MAU2: variants seen among roughly 807,000 people sequenced by gnomAD.
The protein encoded by MAU2 is MAU2 chromatid cohesion factor homolog.
In MAU2, 9 loss-of-function variants were observed where a neutral mutation model predicts 89.1. The ratio of observed to expected loss-of-function variants is 0.10; its 90% CI spans 0.06 to 0.18. MAU2 has a LOEUF of 0.18. MAU2 is among the 10% of genes least tolerant of loss of function. The pLI is 1.00. For synonymous variants in MAU2, 357 were observed against 343.4 expected (o/e 1.04, Z -0.44); for missense variants, 425 against 803.5 (o/e 0.53, Z 5.69).
At chr19:19,347,578 C>T in intron 13 of MAU2, 1 of 549,414 alleles carries the variant, frequency 1.8e-6, no homozygotes, top group Non-Finnish European at 3.3e-6. Flanking sequence ...AAAACATTCC[C>T]ATAGCCACAG....
chr19:19,348,936 C>T lies in MAU2; in HGVS notation c.1356C>T (p.Val452=). The part of the protein sequence containing the change: ...ERINPDHSFP[V]SSHCLRAAAF... ...TCAACCCGGACCACAGCTTCCCTGT[C>T]AGGTGAGCCGCTCCAGGCACCACTC... Residue 452 remains valine, a splice_region_variant and synonymous_variant, in exon 14 of 19, where the codon GTC becomes GTT. Transcript: ENST00000262815. The T allele has an allele frequency of 4.3e-6, 7 of 1,613,438 alleles. No homozygotes were observed. Among genetic ancestry groups the T allele is most frequent in the Non-Finnish European group, 5.9e-6 (7 of 1,179,792 alleles).
At chr19:19,328,102 G>A (rs1179699233) in intron 1 of MAU2, among the ~76,000 whole-genome samples, 1 of 150,914 alleles carries the variant, frequency 6.6e-6, no homozygotes, top group Non-Finnish European at 1.5e-5. Context: ...CGAGGCATCA[G>A]TGAGCCGTGT....
In MAU2 at chr19:19,326,683, CAA is replaced by C. The variant is rs1555792822; in HGVS notation, c.276+5556_276+5557del. 1.3e-3 allele frequency among the ~76,000 whole-genome samples: 63 copies of C among 47,532 alleles called. 4 individuals are homozygous for C. In the South Asian group the frequency reaches 0.034, roughly 26 times the overall value. 31.2% of individuals were successfully genotyped at this position (47,532 alleles called of 152,430 possible). A position where few individuals can be genotyped will look rare whatever the true frequency, so the allele number is the denominator to read the frequency against. The stretch of plus-strand genomic sequence containing the variant: ...ACTGGGCGAAAGAGCGAGACTGTCT[CAA>C]AAAAAAATATATATATGTATATATA... On this transcript the variant is annotated intron_variant, in intron 1 of 18. Coordinates refer to ENST00000262815, the MANE Select transcript of MAU2 (RefSeq NM_015329.4).
intron 9 of MAU2, among the ~76,000 whole-genome samples, chr19:19,343,464 C>CCCT (rs1427462648): frequency 1.2e-4 from 19 of 152,290 alleles, no homozygotes; most frequent in South Asian, 6.2e-4. Flanking sequence ...AGGTGGGGCC[C>CCCT]AGCCCAGGTC....
intron 1 of MAU2, among the ~76,000 whole-genome samples, chr19:19,331,579 A>G (rs1370274442): frequency 6.6e-6 from 1 of 151,814 alleles, no homozygotes; most frequent in Non-Finnish European, 1.5e-5. Context: ...AGATGGATAT[A>G]TTTTTCTGAT....
chr19:19,350,309 AAAG>A (rs2061732567), intron 16 of MAU2, among the ~76,000 whole-genome samples: 1 of 148,266 alleles, frequency 6.7e-6, no homozygotes, highest in Non-Finnish European at 1.5e-5. Context: ...AAAAAAAAAA[AAAG>A]ATGTTTTTGG....
intron 2 of MAU2, 125 bp from the exon 3 acceptor site, chr19:19,335,997 G>A (rs1383970182): frequency 3.9e-6 from 3 of 762,438 alleles, no homozygotes; most frequent in Non-Finnish European, 6.8e-6. Flanking sequence ...GGAAAACTTG[G>A]AATTTCAGGG....
At position 19,341,148 on chromosome 19, in the gene MAU2, G is replaced by A. The variant is rs2061642098; in HGVS notation, c.580-104G>A. ...TCAGGCTGGCCTTGCCCTCTGGATTGGTGGCAGCAGTCCCAGGGCAGGTGG... is the reference window on the plus strand; with the variant it reads ...TCAGGCTGGCCTTGCCCTCTGGATTAGTGGCAGCAGTCCCAGGGCAGGTGG... On this transcript the variant is annotated intron_variant, in intron 6 of 18. Coordinates refer to ENST00000262815, the MANE Select transcript of MAU2 (RefSeq NM_015329.4). The A allele has an allele frequency of 9.5e-6, 13 of 1,362,142 alleles. No homozygotes were observed. The South Asian group carries it at 1.5e-4, about 16-fold the overall frequency. 84.4% of individuals were successfully genotyped at this position (1,362,142 alleles called of 1,614,324 possible). A position where few individuals can be genotyped will look rare whatever the true frequency, so the allele number is the denominator to read the frequency against.
At chr19:19,333,718 AGGGAGGAGG>A (rs2061574912) in intron 1 of MAU2, among the ~76,000 whole-genome samples, 1 of 152,218 alleles carries the variant, frequency 6.6e-6, no homozygotes, top group African/African-American at 2.4e-5. Flanking sequence ...CTCCGCCCAA[AGGGAGGAGG>A]GGGAATTCAC....
At chr19:19,348,997 G>A in intron 14 of MAU2, 59 bp downstream of exon 14, 1 of 1,595,422 alleles carries the variant, frequency 6.3e-7, no homozygotes. Context: ...TCTTTGGTTG[G>A]GGCCCCTGAC....
chr19:19,337,600 AT>A (rs2061607863), intron 4 of MAU2, among the ~76,000 whole-genome samples: 2 of 151,936 alleles, frequency 1.3e-5, no homozygotes. Context: ...TTCTCATCTC[AT>A]CTTTGGCCTG....
chr19:19,324,416 G>GGTC (rs1197870221), intron 1 of MAU2, among the ~76,000 whole-genome samples: 1 of 152,150 alleles, frequency 6.6e-6, no homozygotes, highest in Non-Finnish European at 1.5e-5. Context: ...GACTGGGAGG[G>GGTC]GTCTGGTGGC....
intron 1 of MAU2, among the ~76,000 whole-genome samples, chr19:19,324,916 TATTA>T (rs1413574199): frequency 6.6e-6 from 1 of 152,252 alleles, no homozygotes; most frequent in Non-Finnish European, 1.5e-5. Context: ...CTTCATTCTT[TATTA>T]ATTGTGCATT....
At chr19:19,327,305 T>G (rs900115165) in intron 1 of MAU2, among the ~76,000 whole-genome samples, 5 of 10,648 alleles carry the variant, frequency 4.7e-4, no homozygotes, top group East Asian at 0.011. Flanking sequence ...CTACTTGTAT[T>G]TATTTATTTA....
chr19:19,335,134 T>C (rs1198526979), intron 1 of MAU2, among the ~76,000 whole-genome samples: 1 of 152,164 alleles, frequency 6.6e-6, no homozygotes, highest in African/African-American at 2.4e-5. Context: ...GGTGTGCATC[T>C]TCAGTGCCAT....
chr19:19,350,667 A>G (rs961238381), intron 16 of MAU2, among the ~76,000 whole-genome samples: 45 of 151,034 alleles, frequency 3.0e-4, no homozygotes, highest in Admixed American at 3.3e-4. Flanking sequence ...TTGGGAGGCC[A>G]AGGCGGGCAG....
intron 1 of MAU2, chr19:19,321,847 T>G (rs1217329403): frequency 1.3e-5 from 2 of 152,146 alleles, no homozygotes; most frequent in Non-Finnish European, 2.9e-5. Context: ...CAGCTCCTGC[T>G]TTTTCTCCAT....
At chr19:19,332,010 A>G (rs1294725251) in intron 1 of MAU2, among the ~76,000 whole-genome samples, 3 of 152,356 alleles carry the variant, frequency 2.0e-5, no homozygotes, top group Non-Finnish European at 4.4e-5. Flanking sequence ...GGCCATTTGC[A>G]CTTACACAGA....
chr19:19,350,029 T>G (rs2061729531), intron 16 of MAU2, among the ~76,000 whole-genome samples: 1 of 148,008 alleles, frequency 6.8e-6, no homozygotes, highest in African/African-American at 2.5e-5. Context: ...GCACAATGGC[T>G]CACGCCTGTA....
Sources: gnomAD v4.1 joint callset for allele counts (sites outside exome capture counted in the v4.1 genomes callset) on GRCh38, gnomAD v4.1.1 for gene constraint, MANE v1.5 for transcripts, NCBI Gene and HGNC (gene_info 2026-07-23, HGNC 2026-07-21) for gene names.